SYNJ2: variants seen among roughly 807,000 people sequenced by gnomAD.
SYNJ2 encodes synaptojanin 2, also known as polyphosphatidylinositol phosphatase SYNJ2.
Under a neutral mutation model 141.3 loss-of-function variants are expected in SYNJ2, and 116 were observed. That is an observed-to-expected ratio of 0.82 (90% CI 0.71 to 0.96). The LOEUF (loss-of-function observed/expected upper bound fraction) is 0.96, where lower values mean the gene tolerates loss of function less well. SYNJ2 is among the 40% of genes least tolerant of loss of function. The pLI, the probability that SYNJ2 is intolerant of heterozygous loss-of-function variation, is 0.00. For synonymous variants in SYNJ2, 745 were observed against 777.7 expected, an observed-to-expected ratio of 0.96 and a Z score of 0.70; for missense variants, 1,873 against 1,934.8, an observed-to-expected ratio of 0.97 and a Z score of 0.60.
chr6:158,022,948 T>G (rs983387461), intron 2 of SYNJ2, among the ~76,000 whole-genome samples: 1 of 152,164 alleles, frequency 6.6e-6, no homozygotes, highest in South Asian at 2.1e-4. Context: ...CAGGACACTT[T>G]CCTTAAAACC....
At chr6:157,988,446 TG>T (rs1777289366) in intron 1 of SYNJ2, among the ~76,000 whole-genome samples, 1 of 152,188 alleles carries the variant, frequency 6.6e-6, no homozygotes, top group African/African-American at 2.4e-5. Context: ...ACTGAACAGC[TG>T]GGCATACAGG....
At chr6:158,001,881 G>A (rs1156983752) in intron 1 of SYNJ2, among the ~76,000 whole-genome samples, 1 of 152,070 alleles carries the variant, frequency 6.6e-6, no homozygotes, top group African/African-American at 2.4e-5. Context: ...CCAACAGGCT[G>A]TCTTAGCTCA....
chr6:158,041,264 C>T (rs1267274503), intron 4 of SYNJ2, among the ~76,000 whole-genome samples: 2 of 152,206 alleles, frequency 1.3e-5, no homozygotes, highest in African/African-American at 4.8e-5. Context: ...CACTTTCTCT[C>T]CTGCTTCCAC....
At chr6:157,986,573 A>G (rs1453774267) in intron 1 of SYNJ2, among the ~76,000 whole-genome samples, 1 of 151,914 alleles carries the variant, frequency 6.6e-6, no homozygotes, top group Non-Finnish European at 1.5e-5. Context: ...GCCCCAAATG[A>G]TCCGCCCACC....
chr6:158,076,877 A>G (rs959886793), intron 17 of SYNJ2, 95 bp downstream of exon 17: 7 of 1,416,186 alleles, frequency 4.9e-6, no homozygotes, highest in Admixed American at 5.3e-5. Flanking sequence ...GCGCTGCTAC[A>G]TAAATCAGTT....
chr6:158,028,727 T>A, intron 2 of SYNJ2, 29 bp from the exon 3 acceptor site: 1 of 1,607,888 alleles, frequency 6.2e-7, no homozygotes, highest in Non-Finnish European at 8.5e-7. Flanking sequence ...ACTTCGACCC[T>A]GAGCTCTCCT....
rs1434704659 is a variant in SYNJ2 at position 158,043,707 on chromosome 6, G to A, written c.795+308G>A. Among the ~76,000 whole-genome samples, 2 of 152,132 alleles carry A rather than the reference G, an allele frequency of 1.3e-5. No individual in the cohort carries two copies. The highest frequency in any genetic ancestry group is 2.9e-5 in the Non-Finnish European group (2 of 68,020). On this transcript the variant is annotated intron_variant, in intron 5 of 26. Coordinates refer to ENST00000355585, the MANE Select transcript of SYNJ2 (RefSeq NM_003898.4). The surrounding 1 kb of genome is among the most constrained non-coding windows in gnomAD (Gnocchi z 4.0). ...GAGTGGGTGCCGCGAAGTGAGCTTG[G>A]GTAGCACTGCCTGAGGTTAGACCCT...
At chr6:157,988,891 A>T (rs148780761) in intron 1 of SYNJ2, among the ~76,000 whole-genome samples, 1,938 of 152,168 alleles carry the variant, frequency 0.013, 30 homozygotes, top group Admixed American at 0.018. Context: ...GGAGGCTGTC[A>T]GTGGGCAGGC....
upstream of SYNJ2, among the ~76,000 whole-genome samples, chr6:157,981,459 T>TC (rs529018954): frequency 9.9e-5 from 15 of 152,216 alleles, no homozygotes; most frequent in South Asian, 2.7e-3. The surrounding 1 kb of genome is among the most constrained non-coding windows in gnomAD (Gnocchi z 6.4). Flanking sequence ...AAAGGACTCG[T>TC]CCAGGGTCGC....
chr6:158,090,078 T>C (rs1296240301), intron 25 of SYNJ2, 131 bp downstream of exon 25: 3 of 641,706 alleles, frequency 4.7e-6, no homozygotes, highest in Non-Finnish European at 8.3e-6. Flanking sequence ...AAACATCCTT[T>C]AGCAACATTT....
chr6:158,074,562 AT>A lies in SYNJ2; in HGVS notation c.2134-14del. ...TTGCAAGATGGGCTGAATGATTATG[AT>A]TTTCTTTTCAACTTAGGGGAGAAAT... On this transcript the variant is annotated splice_polypyrimidine_tract_variant and intron_variant, in intron 15 of 26. Coordinates refer to ENST00000355585, the MANE Select transcript of SYNJ2 (RefSeq NM_003898.4). The A allele has an allele frequency of 6.2e-7, 1 of 1,606,616 alleles. No individual in the cohort carries two copies. The highest frequency in any genetic ancestry group is 8.5e-7 in the Non-Finnish European group (1 of 1,176,560).
At position 158,028,793 on chromosome 6, in the gene SYNJ2, C is replaced by T. The variant is rs144087022; in HGVS notation, c.252C>T (p.Gly84=). The change falls in exon 3 of 27, where the codon GGC becomes GGT. Residue 84 remains glycine, a synonymous_variant. Coordinates refer to ENST00000355585, the MANE Select transcript of SYNJ2 (RefSeq NM_003898.4). ...TGAGCTTCCTGGTGTTGGTGACAGG[C>T]TGCACATCTGTGGGCAGAATTCCAG... ...TSLSFLVLVT[G]CTSVGRIPDA... 2.5e-6 allele frequency: 4 copies of T among 1,614,156 alleles called. No homozygotes were observed. The highest frequency in any genetic ancestry group is 3.4e-6 in the Non-Finnish European group (4 of 1,180,006).
chr6:158,039,618 G>A (rs1453922620), intron 4 of SYNJ2, among the ~76,000 whole-genome samples: 2 of 152,226 alleles, frequency 1.3e-5, no homozygotes, highest in African/African-American at 4.8e-5. Flanking sequence ...TGGTACAGGA[G>A]CAGACTGTCT....
At chr6:158,044,095 C>T (rs912485712) in intron 5 of SYNJ2, among the ~76,000 whole-genome samples, 1 of 152,216 alleles carries the variant, frequency 6.6e-6, no homozygotes, top group Non-Finnish European at 1.5e-5. Context: ...TCCTCCCTGT[C>T]CCGAGGGGAC....
At chr6:158,000,178 C>CG (rs1777790867) in intron 1 of SYNJ2, among the ~76,000 whole-genome samples, 1 of 140,624 alleles carries the variant, frequency 7.1e-6, no homozygotes, top group Non-Finnish European at 1.5e-5. Flanking sequence ...CACGGAATGA[C>CG]GGTAACTAGC....
chr6:158,066,350 C>G (rs1350022222), intron 11 of SYNJ2, 94 bp from the exon 12 acceptor site: 1 of 1,422,044 alleles, frequency 7.0e-7, no homozygotes, highest in Non-Finnish European at 9.8e-7. Context: ...GCTCATGAAC[C>G]ATCTGTCTCT....
At chr6:157,996,396 C>T (rs1777633726) in intron 1 of SYNJ2, among the ~76,000 whole-genome samples, 1 of 152,142 alleles carries the variant, frequency 6.6e-6, no homozygotes, top group Non-Finnish European at 1.5e-5. Context: ...TCTCCTGGCT[C>T]TTCCCCTGCT....
chr6:158,000,232 T>C (rs1777792863), intron 1 of SYNJ2, among the ~76,000 whole-genome samples: 2 of 152,014 alleles, frequency 1.3e-5, no homozygotes, highest in Admixed American at 1.3e-4. Context: ...AAAAATAGCA[T>C]GATGTTTTCT....
rs1783808768 is a variant in SYNJ2, at chr6:158,096,481, G to T, written c.*117G>T. On this transcript the variant is annotated 3_prime_UTR_variant, in exon 27 of 27. Transcript: ENST00000355585. ...CACTGGCCAAAACGTTTGTGCATCT[G>T]TCACTCTCGTGTAGTTTACAAAAAT... 4.1e-6 allele frequency: 5 copies of T among 1,218,832 alleles called. No individual in the cohort carries two copies. In the East Asian group the frequency reaches 1.2e-4, roughly 30 times the overall value. The allele number at this position is 1,218,832 out of a possible 1,614,324, so 75.5% of individuals were successfully genotyped here.
Sources: allele counts gnomAD v4.1 joint callset (sites outside exome capture counted in the v4.1 genomes callset), GRCh38; gene constraint gnomAD v4.1.1; non-coding constraint Gnocchi (gnomAD v3.1); transcripts MANE v1.5; gene names NCBI Gene and HGNC (gene_info 2026-07-23, HGNC 2026-07-21).